Variants in DPH6 observed in about 807,000 individuals in gnomAD.
The protein encoded by DPH6 is diphthine--ammonia ligase.
Under a neutral mutation model 38.2 loss-of-function variants are expected in DPH6, and 33 were observed. The ratio of observed to expected loss-of-function variants is 0.86; its 90% CI spans 0.65 to 1.15. DPH6 has a LOEUF of 1.15. DPH6 is among the 50% of genes most tolerant of loss of function. The pLI is 0.00. For missense variants in DPH6, 325 were observed against 320.0 expected, an observed-to-expected ratio of 1.02 and a Z score of -0.12; for synonymous variants, 108 against 103.0, an observed-to-expected ratio of 1.05 and a Z score of -0.30.
At chr15:35,230,323 A>G (rs1180856098) in intron 3 of DPH6, among the ~76,000 whole-genome samples, 1 of 152,218 alleles carries the variant, frequency 6.6e-6, no homozygotes, top group Non-Finnish European at 1.5e-5. Context: ...CACAAGGTAT[A>G]GTGCCAGACT....
chr15:35,493,039 C>G (rs2054504734), intron 3 of DPH6, among the ~76,000 whole-genome samples: 1 of 151,470 alleles, frequency 6.6e-6, no homozygotes, highest in African/African-American at 2.5e-5. Context: ...AGTGCCATTT[C>G]CTACCATAAA....
intron 6 of DPH6, chr15:35,401,690 CT>C: frequency 1.3e-6 from 1 of 741,090 alleles, no homozygotes; most frequent in Non-Finnish European, 2.5e-6. Flanking sequence ...GAGGCCAATA[CT>C]TTGCCAAACC....
intron 6 of DPH6, among the ~76,000 whole-genome samples, chr15:35,403,822 C>CTT (rs550585754): frequency 1.1e-4 from 15 of 142,026 alleles, no homozygotes; most frequent in African/African-American, 3.6e-4. Context: ...TCATTCATTC[C>CTT]TTTTTTTTTT....
At chr15:35,201,809 T>A in the DPH6 span, among the ~76,000 whole-genome samples, 169 of 151,846 alleles carry the variant, frequency 1.1e-3, 1 homozygote, top group African/African-American at 3.6e-3. Flanking sequence ...CCTGCCATTT[T>A]AATTAATTCT....
intron 3 of DPH6, chr15:35,237,928 A>AGAG: frequency 5.8e-6 from 8 of 1,386,698 alleles, no homozygotes; most frequent in South Asian, 3.5e-5. Context: ...ACGTGAGTGG[A>AGAG]GAGGAGGAGG....
At chr15:35,458,209 G>A (rs887621985) in intron 3 of DPH6, among the ~76,000 whole-genome samples, 1 of 151,938 alleles carries the variant, frequency 6.6e-6, no homozygotes. Context: ...ATGTGAATCC[G>A]TGGATACAGA....
chr15:35,145,870 A>T, the DPH6 span, among the ~76,000 whole-genome samples: 1 of 152,236 alleles, frequency 6.6e-6, no homozygotes, highest in East Asian at 1.9e-4. Context: ...GGCACAAAAA[A>T]TGCTTCTCTT....
chr15:35,545,819 T>G (rs541905915), intron 1 of DPH6, among the ~76,000 whole-genome samples: 1 of 151,934 alleles, frequency 6.6e-6, no homozygotes, highest in Admixed American at 6.5e-5. Flanking sequence ...CCAATCCCTC[T>G]GGCGGTGGGG....
chr15:35,490,269 T>C, intron 3 of DPH6: 1 of 861,130 alleles, frequency 1.2e-6, no homozygotes, highest in Non-Finnish European at 1.4e-6. Context: ...TTGTCAGTCA[T>C]AAAGAGAGGT....
intron 3 of DPH6, among the ~76,000 whole-genome samples, chr15:35,480,033 CATT>C (rs931905022): frequency 7.3e-5 from 11 of 151,558 alleles, no homozygotes; most frequent in Non-Finnish European, 1.0e-4. Flanking sequence ...GTAGTGAAAA[CATT>C]ATGCTTTGTT....
intron 6 of DPH6, among the ~76,000 whole-genome samples, chr15:35,392,193 C>T (rs1351078306): frequency 1.3e-5 from 2 of 152,122 alleles, no homozygotes; most frequent in African/African-American, 4.8e-5. Context: ...AAATTACTTA[C>T]ATGAATCTAT....
chr15:35,387,666 T>C (rs944258828), intron 6 of DPH6, among the ~76,000 whole-genome samples: 1 of 152,206 alleles, frequency 6.6e-6, no homozygotes, highest in Non-Finnish European at 1.5e-5. Flanking sequence ...TGTATAAGAA[T>C]GCTTGTGACT....
intron 6 of DPH6, among the ~76,000 whole-genome samples, chr15:35,391,152 C>G (rs1316674076): frequency 1.3e-5 from 2 of 152,174 alleles, no homozygotes; most frequent in Non-Finnish European, 2.9e-5. Context: ...GGCTGCAGAA[C>G]AGTGGATATT....
the DPH6 span, among the ~76,000 whole-genome samples, chr15:35,183,177 C>A: frequency 2.0e-5 from 3 of 152,142 alleles, no homozygotes; most frequent in Non-Finnish European, 4.4e-5. Context: ...GTTCTCTCAG[C>A]TAAAAAATTA....
chr15:35,183,695 G>T, the DPH6 span, among the ~76,000 whole-genome samples: 11 of 152,268 alleles, frequency 7.2e-5, no homozygotes, highest in African/African-American at 2.6e-4. Context: ...ACAGATAAAA[G>T]ATACTGTGTA....
At chr15:35,347,196 A>G (rs1277415710) in intron 3 of DPH6, among the ~76,000 whole-genome samples, 1 of 152,134 alleles carries the variant, frequency 6.6e-6, no homozygotes, top group African/African-American at 2.4e-5. Context: ...TAGTTCTAAG[A>G]TTTTGACTAC....
the DPH6 span, among the ~76,000 whole-genome samples, chr15:35,187,196 AT>A: frequency 1.3e-5 from 2 of 152,212 alleles, no homozygotes; most frequent in Non-Finnish European, 2.9e-5. Context: ...TTCCCAGAAT[AT>A]ATAATCACAT....
At position 35,255,725 on chromosome 15, in the gene DPH6, T is replaced by C. The variant is rs533854548; in HGVS notation, n.201-35143A>G. ...GTAAAGGTCGTCTTGAAATTTTTTT[T>C]GACTTTGCAAATGACTGCACACTGT... On this transcript the variant is annotated intron_variant and non_coding_transcript_variant, in intron 3 of 3. Coordinates refer to the DPH6 transcript ENST00000560386. Among the ~76,000 whole-genome samples the C allele has an allele frequency of 1.2e-4, 18 of 152,268 alleles. No individual in the cohort carries two copies. The South Asian group carries it at 3.7e-3, about 32-fold the overall frequency.
chr15:35,447,431 A>C (rs924497084), intron 5 of DPH6, among the ~76,000 whole-genome samples: 4 of 151,512 alleles, frequency 2.6e-5, no homozygotes, highest in African/African-American at 9.7e-5. Context: ...TCTATCTCTT[A>C]TACGTCCCCC....
Sources: allele counts gnomAD v4.1 joint callset (sites outside exome capture counted in the v4.1 genomes callset), GRCh38; gene constraint gnomAD v4.1.1; transcripts MANE v1.5; gene names NCBI Gene and HGNC (gene_info 2026-07-23, HGNC 2026-07-21).